Variants in DLG1 observed in about 807,000 individuals in gnomAD.
The protein encoded by DLG1 is discs large MAGUK scaffold protein 1, also known as disks large homolog 1.
Under a neutral mutation model 123.4 loss-of-function variants are expected in DLG1, and 42 were observed. The observed-to-expected ratio is 0.34, with a 90% confidence interval of 0.27 to 0.44. The LOEUF is 0.44. DLG1 is among the 20% of genes least tolerant of loss of function. DLG1 has a pLI of 1.00. For missense variants in DLG1, 942 were observed against 1,082.6 expected (o/e 0.87, Z 1.82); for synonymous variants, 317 against 356.2 (o/e 0.89, Z 1.24).
At chr3:197,194,253 T>C (rs1212316957) in intron 5 of DLG1, 172 bp downstream of exon 5, 1 of 377,050 alleles carries the variant, frequency 2.7e-6, no homozygotes, top group African/African-American at 2.1e-5. Context: ...TATTTAAAAA[T>C]GTTTTCTGGA....
chr3:197,099,249 C>A (rs574010788), intron 14 of DLG1, among the ~76,000 whole-genome samples: 1 of 152,160 alleles, frequency 6.6e-6, no homozygotes, highest in Non-Finnish European at 1.5e-5. Flanking sequence ...AAATTACTTG[C>A]AGCGACAGGG....
intron 4 of DLG1, among the ~76,000 whole-genome samples, chr3:197,250,291 C>T (rs1033793149): frequency 1.3e-5 from 2 of 152,116 alleles, no homozygotes; most frequent in Admixed American, 6.5e-5. Flanking sequence ...TAAAAAGCAC[C>T]GGGCACGGCG....
At chr3:197,142,553 A>G (rs962481867) in intron 7 of DLG1, among the ~76,000 whole-genome samples, 165 bp downstream of exon 7, 10 of 152,244 alleles carry the variant, frequency 6.6e-5, no homozygotes, top group Non-Finnish European at 1.3e-4. Flanking sequence ...TAAGGTTACT[A>G]AAGAAAAGGC....
intron 4 of DLG1, among the ~76,000 whole-genome samples, chr3:197,279,848 A>G (rs1768324083): frequency 6.6e-6 from 1 of 152,224 alleles, no homozygotes; most frequent in South Asian, 2.1e-4. Flanking sequence ...AAGAATACTT[A>G]CAGTTAAAAA....
chr3:197,128,095 G>A (rs1030450117), intron 11 of DLG1, among the ~76,000 whole-genome samples: 2 of 152,040 alleles, frequency 1.3e-5, no homozygotes, highest in Non-Finnish European at 2.9e-5. Context: ...CCACTGACTC[G>A]TTCTTTTACA....
chr3:197,140,999 C>T (rs969420094), intron 7 of DLG1, among the ~76,000 whole-genome samples: 4 of 152,086 alleles, frequency 2.6e-5, no homozygotes, highest in African/African-American at 9.7e-5. Flanking sequence ...AGAAAGGGTT[C>T]GACTGCTACA....
chr3:197,279,506 T>C (rs1768131023), intron 4 of DLG1, among the ~76,000 whole-genome samples: 2 of 152,186 alleles, frequency 1.3e-5, no homozygotes, highest in Admixed American at 1.3e-4. Context: ...ACTACAGCAT[T>C]TTCCATGTGC....
At chr3:197,222,582 G>C (rs966850206) in intron 4 of DLG1, among the ~76,000 whole-genome samples, 7 of 152,110 alleles carry the variant, frequency 4.6e-5, no homozygotes, top group African/African-American at 1.7e-4. Context: ...AAATCATTAA[G>C]AATATGAAGC....
At chr3:197,159,001 T>A (rs1043159376) in intron 5 of DLG1, among the ~76,000 whole-genome samples, 2 of 152,188 alleles carry the variant, frequency 1.3e-5, no homozygotes, top group African/African-American at 4.8e-5. Flanking sequence ...ACAGAGATTA[T>A]GTGTTTACAC....
chr3:197,172,326 T>C (rs186030212), intron 5 of DLG1, among the ~76,000 whole-genome samples: 9 of 152,284 alleles, frequency 5.9e-5, no homozygotes, highest in African/African-American at 2.2e-4. Flanking sequence ...ACAACTATTT[T>C]ACTGGTTTGT....
intron 5 of DLG1, among the ~76,000 whole-genome samples, chr3:197,172,128 A>G (rs930282166): frequency 9.2e-5 from 14 of 152,058 alleles, no homozygotes; most frequent in Non-Finnish European, 1.9e-4. Flanking sequence ...GATGGTCCAC[A>G]TGTATAAAAT....
At chr3:197,279,703 C>T (rs906519199) in intron 4 of DLG1, among the ~76,000 whole-genome samples, 1 of 152,118 alleles carries the variant, frequency 6.6e-6, no homozygotes, top group African/African-American at 2.4e-5. Flanking sequence ...GATATGAGTG[C>T]CTCATCATTT....
chr3:197,162,510 T>C (rs1235060605), intron 5 of DLG1, among the ~76,000 whole-genome samples: 3 of 152,050 alleles, frequency 2.0e-5, no homozygotes, highest in African/African-American at 7.2e-5. Context: ...GAAGAACAAA[T>C]TGCCAGACTA....
intron 5 of DLG1, among the ~76,000 whole-genome samples, chr3:197,167,464 T>C (rs1802012124): frequency 6.6e-6 from 1 of 152,100 alleles, no homozygotes; most frequent in Non-Finnish European, 1.5e-5. Flanking sequence ...ACACCACCAG[T>C]AACGGGAAAA....
chr3:197,065,661 G>A (rs1739003474), intron 21 of DLG1, 47 bp downstream of exon 21: 2 of 1,356,540 alleles, frequency 1.5e-6, no homozygotes, highest in Non-Finnish European at 2.1e-6. Flanking sequence ...CACAGTGACA[G>A]GAAATGTTAA....
chr3:197,194,068 C>T (rs935771391), intron 5 of DLG1, among the ~76,000 whole-genome samples: 4 of 152,046 alleles, frequency 2.6e-5, no homozygotes, highest in African/African-American at 9.7e-5. Flanking sequence ...GTGATCCACC[C>T]ACCTCAGCCT....
chr3:197,245,819 T>G (rs1751345148), intron 4 of DLG1, among the ~76,000 whole-genome samples: 1 of 150,622 alleles, frequency 6.6e-6, no homozygotes, highest in Non-Finnish European at 1.5e-5. Context: ...GTTTGGCTCT[T>G]TGGTCTGCGA....
At chr3:197,204,867 AG>A (rs1727696513) in intron 4 of DLG1, among the ~76,000 whole-genome samples, 2 of 152,174 alleles carry the variant, frequency 1.3e-5, no homozygotes, top group Non-Finnish European at 2.9e-5. Flanking sequence ...CTGTGGATAC[AG>A]GAAGATGACT....
chr3:197,060,928 C>T (rs374465781), intron 22 of DLG1, among the ~76,000 whole-genome samples: 19 of 152,278 alleles, frequency 1.2e-4, no homozygotes, highest in East Asian at 7.7e-4. Context: ...TTCAGCCTCC[C>T]CAGTAGCTAG....
Sources: gnomAD v4.1 joint callset for allele counts (sites outside exome capture counted in the v4.1 genomes callset) on GRCh38, gnomAD v4.1.1 for gene constraint, MANE v1.5 for transcripts, NCBI Gene and HGNC (gene_info 2026-07-23, HGNC 2026-07-21) for gene names.